Variants in LTBP1 observed in about 807,000 individuals in gnomAD.
LTBP1 encodes latent-transforming growth factor beta-binding protein 1.
LTBP1 carries 129 observed loss-of-function variants against 207.6 expected under a neutral mutation model. The observed-to-expected ratio is 0.62, with a 90% CI of 0.54 to 0.72. LTBP1 has a LOEUF of 0.72. Among genes scored for constraint, LTBP1 ranks in the 30% least tolerant of loss-of-function variants. The probability of loss-of-function intolerance (pLI) is 0.00; values close to 1 mark genes in which losing one functional copy is unlikely to be tolerated. For synonymous variants in LTBP1, 963 were observed against 833.7 expected, an observed-to-expected ratio of 1.16 and a Z score of -2.67; for missense variants, 2,281 against 2,217.2, an observed-to-expected ratio of 1.03 and a Z score of -0.58.
chr2:33,115,471 T>G (rs1183927327), intron 4 of LTBP1, among the ~76,000 whole-genome samples: 1 of 152,142 alleles, frequency 6.6e-6, no homozygotes, highest in African/African-American at 2.4e-5. Context: ...AAAACTGAAT[T>G]ATACACTTAA....
At chr2:33,045,178 A>C (rs141226119) in intron 3 of LTBP1, among the ~76,000 whole-genome samples, 2,472 of 152,202 alleles carry the variant, frequency 0.016, 71 homozygotes, top group African/African-American at 0.056. Flanking sequence ...TTAGTCACGA[A>C]GTCTTTGCCC....
chr2:33,170,930 A>G (rs1249029997), intron 5 of LTBP1, among the ~76,000 whole-genome samples: 1 of 152,198 alleles, frequency 6.6e-6, no homozygotes, highest in African/African-American at 2.4e-5. Context: ...GCAAACTCCA[A>G]CAGACCTGCA....
intron 3 of LTBP1, among the ~76,000 whole-genome samples, chr2:33,107,405 G>A (rs2080127077): frequency 2.0e-5 from 3 of 152,128 alleles, no homozygotes; most frequent in South Asian, 4.2e-4. Context: ...AATGTCTCTT[G>A]TGTGTTTATT....
intron 2 of LTBP1, among the ~76,000 whole-genome samples, chr2:32,989,779 T>G (rs1380193920): frequency 1.3e-5 from 2 of 152,212 alleles, no homozygotes. Flanking sequence ...GGGTTCACAT[T>G]TTAGCTCTGC....
intron 3 of LTBP1, among the ~76,000 whole-genome samples, chr2:33,090,827 C>T (rs534004403): frequency 6.6e-6 from 1 of 152,194 alleles, no homozygotes; most frequent in African/African-American, 2.4e-5. Context: ...TCATATAGCT[C>T]TGCAAGGAGA....
intron 3 of LTBP1, among the ~76,000 whole-genome samples, chr2:33,023,079 G>T (rs997799346): frequency 6.6e-6 from 1 of 151,948 alleles, no homozygotes; most frequent in Non-Finnish European, 1.5e-5. Flanking sequence ...TCCTTGGAAC[G>T]GTATAAAGCT....
At chr2:33,216,468 A>G (rs1398306497) in intron 7 of LTBP1, among the ~76,000 whole-genome samples, 1 of 152,186 alleles carries the variant, frequency 6.6e-6, no homozygotes, top group African/African-American at 2.4e-5. Context: ...TTAGGTGGGA[A>G]TAGGAAGGAC....
intron 32 of LTBP1, 102 bp downstream of exon 32, chr2:33,389,408 G>C (rs2095296119): frequency 3.3e-6 from 5 of 1,496,594 alleles, no homozygotes. Context: ...CAGCATTTCT[G>C]GTCCCACCCC....
intron 24 of LTBP1, among the ~76,000 whole-genome samples, chr2:33,329,930 T>A (rs916944808): frequency 6.6e-6 from 1 of 152,112 alleles, no homozygotes; most frequent in African/African-American, 2.4e-5. Context: ...CTGCTGGGAT[T>A]TTGATTGGAA....
rs575143241 is a variant in LTBP1, at chr2:33,088,263, C to T, written c.864-22319C>T. On this transcript the variant is annotated intron_variant, in intron 3 of 33. Transcript: ENST00000404816. ...GGTTGGAAGTTCGAGACCAGCTTGGCCAACATGGCGAAACCCCATTTCTAC... is the reference window on the plus strand; with the variant it reads ...GGTTGGAAGTTCGAGACCAGCTTGGTCAACATGGCGAAACCCCATTTCTAC... 3.9e-4 allele frequency among the ~76,000 whole-genome samples: 59 copies of T among 152,274 alleles called. 1 individual carries two copies. In the South Asian group the frequency reaches 0.012, roughly 32 times the overall value.
chr2:33,394,106 G>C (rs938985839), intron 32 of LTBP1, among the ~76,000 whole-genome samples: 25 of 152,090 alleles, frequency 1.6e-4, no homozygotes, highest in African/African-American at 5.8e-4. Flanking sequence ...AGAAGTGTCT[G>C]TTCATATCCT....
intron 9 of LTBP1, among the ~76,000 whole-genome samples, chr2:33,231,080 A>T (rs2091759557): frequency 6.6e-6 from 1 of 152,240 alleles, no homozygotes; most frequent in Non-Finnish European, 1.5e-5. Flanking sequence ...AGTATGTGTG[A>T]TGAATGATGG....
At chr2:33,262,055 C>T (rs975965013) in intron 13 of LTBP1, among the ~76,000 whole-genome samples, 6 of 152,166 alleles carry the variant, frequency 3.9e-5, no homozygotes, top group Admixed American at 2.0e-4. Flanking sequence ...AGCTGAGCCA[C>T]GGATGATGGA....
intron 10 of LTBP1, among the ~76,000 whole-genome samples, chr2:33,250,024 C>G (rs1019848730): frequency 3.3e-5 from 5 of 152,156 alleles, no homozygotes; most frequent in African/African-American, 1.2e-4. Context: ...AATTAATCTT[C>G]CAGTCTGAGG....
At chr2:33,269,140 A>T (rs994328844) in intron 15 of LTBP1, among the ~76,000 whole-genome samples, 1 of 152,026 alleles carries the variant, frequency 6.6e-6, no homozygotes, top group Admixed American at 6.6e-5. Flanking sequence ...CATTCAGGGA[A>T]TCACATGATG....
intron 2 of LTBP1, among the ~76,000 whole-genome samples, chr2:32,998,337 G>A (rs1685595991): frequency 6.6e-6 from 1 of 151,618 alleles, no homozygotes; most frequent in Non-Finnish European, 1.5e-5. Flanking sequence ...CCAACATGGT[G>A]AAACCCTGTC....
intron 7 of LTBP1, among the ~76,000 whole-genome samples, chr2:33,193,386 C>T (rs1403894001): frequency 5.3e-5 from 8 of 152,212 alleles, no homozygotes; most frequent in Admixed American, 4.6e-4. Flanking sequence ...AGGTGATCCA[C>T]CCGCCTTGGC....
At chr2:33,137,694 T>TTTTGTTTG (rs150599206) in intron 5 of LTBP1, among the ~76,000 whole-genome samples, 5 of 151,698 alleles carry the variant, frequency 3.3e-5, no homozygotes, top group African/African-American at 9.7e-5. Context: ...GATTTACAGT[T>TTTTGTTTG]TTTGTTTGTT....
At chr2:33,007,414 T>C (rs1414419272) in intron 2 of LTBP1, among the ~76,000 whole-genome samples, 1 of 152,232 alleles carries the variant, frequency 6.6e-6, no homozygotes, top group East Asian at 1.9e-4. Context: ...AATCAAATGG[T>C]AATTTTAAAA....
Sources: gnomAD v4.1 joint callset for allele counts (sites outside exome capture counted in the v4.1 genomes callset) on GRCh38, gnomAD v4.1.1 for gene constraint, MANE v1.5 for transcripts, NCBI Gene and HGNC (gene_info 2026-07-23, HGNC 2026-07-21) for gene names.